Variants in NPRL3 observed in about 807,000 individuals in gnomAD.
NPRL3 encodes GATOR1 complex protein NPRL3.
NPRL3 carries 23 observed loss-of-function variants against 57.2 expected under a neutral mutation model. That is an observed-to-expected ratio of 0.40 (90% CI 0.29 to 0.57). The LOEUF (loss-of-function observed/expected upper bound fraction) is 0.57, where lower values mean the gene tolerates loss of function less well. NPRL3 is among the 20% of genes least tolerant of loss of function. The probability of loss-of-function intolerance (pLI) is 0.42; values close to 1 mark genes in which losing one functional copy is unlikely to be tolerated. For synonymous variants in NPRL3, 333 were observed against 321.1 expected (o/e 1.04, Z -0.39); for missense variants, 691 against 767.1 (o/e 0.90, Z 1.17).
At chr16:95,888 T>C (rs1951255596) in intron 9 of NPRL3, among the ~76,000 whole-genome samples, 1 of 152,168 alleles carries the variant, frequency 6.6e-6, no homozygotes, top group Non-Finnish European at 1.5e-5. Context: ...GACTTTAAAC[T>C]ATCTGGTGAC....
At chr16:135,800 G>A (rs967602265) in intron 2 of NPRL3, among the ~76,000 whole-genome samples, 1 of 151,918 alleles carries the variant, frequency 6.6e-6, no homozygotes, top group African/African-American at 2.4e-5. Context: ...AGCAAACAGG[G>A]TGACTATAGC....
At chr16:108,269 G>C (rs1277253494) in intron 7 of NPRL3, among the ~76,000 whole-genome samples, 1 of 152,164 alleles carries the variant, frequency 6.6e-6, no homozygotes, top group African/African-American at 2.4e-5. Flanking sequence ...AAGACAGGTG[G>C]TTCAAACATG....
chr16:125,498 C>T (rs1275114533), intron 3 of NPRL3, among the ~76,000 whole-genome samples: 2 of 152,210 alleles, frequency 1.3e-5, no homozygotes, highest in Non-Finnish European at 2.9e-5. Flanking sequence ...CTGAGGGAGG[C>T]AGGGCCATCA....
At chr16:96,926 A>C (rs1050306219) in intron 9 of NPRL3, among the ~76,000 whole-genome samples, 19 of 150,998 alleles carry the variant, frequency 1.3e-4, no homozygotes, top group Non-Finnish European at 1.3e-4. Context: ...AAGTGGCCTG[A>C]GAGTCAGGCC....
chr16:123,347 G>C (rs895380888), intron 3 of NPRL3, among the ~76,000 whole-genome samples: 1 of 152,178 alleles, frequency 6.6e-6, no homozygotes, highest in Non-Finnish European at 1.5e-5. Flanking sequence ...GTGGTGGGAA[G>C]TCTGGGCATT....
At chr16:107,218 G>A (rs552970017) in intron 7 of NPRL3, among the ~76,000 whole-genome samples, 11 of 152,302 alleles carry the variant, frequency 7.2e-5, no homozygotes, top group African/African-American at 1.4e-4. Flanking sequence ...ACTAGGTGGC[G>A]CTGGGTTGCC....
intron 12 of NPRL3, 116 bp from the exon 13 acceptor site, chr16:89,006 G>C (rs1228960750): frequency 2.2e-6 from 2 of 905,796 alleles, no homozygotes; most frequent in East Asian, 2.7e-5. Context: ...CAAGGGTTAG[G>C]GTACATCTGC....
intron 7 of NPRL3, among the ~76,000 whole-genome samples, chr16:108,916 C>T (rs1266110598): frequency 7.3e-5 from 11 of 151,246 alleles, no homozygotes; most frequent in South Asian, 6.3e-4. Flanking sequence ...GTGCTCCACC[C>T]GCCTCAGCCT....
At chr16:126,166 C>T (rs1447985731) in intron 3 of NPRL3, 2 of 151,886 alleles carry the variant, frequency 1.3e-5, no homozygotes, top group East Asian at 1.9e-4. Flanking sequence ...CACTTAAGCC[C>T]AGGAGTTCAA....
intron 2 of NPRL3, among the ~76,000 whole-genome samples, chr16:137,143 C>T (rs1006132565): frequency 6.6e-6 from 1 of 152,014 alleles, no homozygotes; most frequent in Non-Finnish European, 1.5e-5. Context: ...TCCCTTGAGC[C>T]CGGGAGGTGG....
chr16:85,925 G>C lies in NPRL3; in HGVS notation c.*780C>G. The C allele has an allele frequency of 1.0e-6, 1 of 978,724 alleles. No homozygotes were observed. The highest frequency in any genetic ancestry group is 3.2e-5 in the South Asian group (1 of 31,290). The allele number at this position is 978,724 out of a possible 1,614,324, so 60.6% of individuals were successfully genotyped here. ...CTTCCTCCAGGACACGAGAGCTGGGGGCCTGAGTACGTAGCGCCAGGCCCG... is the reference window on the plus strand; with the variant it reads ...CTTCCTCCAGGACACGAGAGCTGGGCGCCTGAGTACGTAGCGCCAGGCCCG... On this transcript the variant is annotated 3_prime_UTR_variant, in exon 14 of 14. Coordinates refer to ENST00000611875, the MANE Select transcript of NPRL3 (RefSeq NM_001077350.3).
At chr16:93,956 G>C (rs997483546) in intron 9 of NPRL3, among the ~76,000 whole-genome samples, 2 of 152,160 alleles carry the variant, frequency 1.3e-5, no homozygotes, top group Admixed American at 1.3e-4. Context: ...GGTGGTCTCA[G>C]GCCACAAGCA....
At chr16:111,128 G>A (rs1179027190) in intron 6 of NPRL3, among the ~76,000 whole-genome samples, 2 of 152,028 alleles carry the variant, frequency 1.3e-5, no homozygotes, top group Admixed American at 6.6e-5. Flanking sequence ...AACCGGGCGC[G>A]GTGGCTCACA....
chr16:113,454 A>G (rs1318383239), intron 5 of NPRL3, among the ~76,000 whole-genome samples: 1 of 152,244 alleles, frequency 6.6e-6, no homozygotes, highest in African/African-American at 2.4e-5. Flanking sequence ...TGACTGGGTC[A>G]AAGGACAGTG....
Position 92,689 on chromosome 16 carries a change from G to A in NPRL3, c.1068C>T (p.Phe356=), listed in dbSNP as rs1229321872. Residue 356 remains phenylalanine, a synonymous_variant, in exon 11 of 14, where the codon TTC becomes TTT. Transcript: ENST00000611875. ...GAACGGACGGCAGGTCATGAGATGGGAACTGGTGGGAGAACTGCTCGGCCA... is the reference window on the plus strand; with the variant it reads ...GAACGGACGGCAGGTCATGAGATGGAAACTGGTGGGAGAACTGCTCGGCCA... ...SPLAEQFSHQ[F]PSHDLPSVLA... is the part of the protein sequence containing the mutation. 6.2e-7 allele frequency: 1 copy of A among 1,613,736 alleles called. No homozygotes were observed. The highest frequency in any genetic ancestry group is 1.3e-5 in the African/African-American group (1 of 74,950).
At chr16:133,528 C>T (rs915151053) in intron 2 of NPRL3, among the ~76,000 whole-genome samples, 2 of 109,360 alleles carry the variant, frequency 1.8e-5, no homozygotes, top group South Asian at 3.1e-4. Context: ...CTGTGCCTAG[C>T]GTTGTTTGTT....
chr16:116,794 C>CG (rs1452550170), intron 5 of NPRL3, among the ~76,000 whole-genome samples: 1 of 143,868 alleles, frequency 7.0e-6, no homozygotes, highest in Non-Finnish European at 1.5e-5. Flanking sequence ...GAGACCCCCC[C>CG]CCCCCACCGA....
rs1394501870 is a variant in NPRL3 at position 86,846 on chromosome 16, G to A, written c.1569C>T (p.Arg523=). Reference sequence around the variant, plus strand: ...TGTACATAATCTCCTCCAGGTGGTGGCGGCCGCGGAAGTAGTGAAGGAGCC... The same window carrying A: ...TGTACATAATCTCCTCCAGGTGGTGACGGCCGCGGAAGTAGTGAAGGAGCC... ...FARLLHYFRG[R]HHLEEIMYNE... is the part of the protein sequence containing the mutation. The change falls in exon 14 of 14, where the codon CGC becomes CGT. Residue 523 remains arginine (R), a synonymous_variant. Transcript: ENST00000611875. The A allele has an allele frequency of 6.2e-7, 1 of 1,613,204 alleles. No homozygotes were observed. The highest frequency in any genetic ancestry group is 8.5e-7 in the Non-Finnish European group (1 of 1,179,746).
In NPRL3 at chr16:124,568, T is replaced by A. The variant is rs113993018; in HGVS notation, c.189-5313A>T. Among the ~76,000 whole-genome samples, 218 of 152,254 alleles carry A rather than the reference T, an allele frequency of 1.4e-3. 1 individual carries two copies. The highest frequency in any genetic ancestry group is 2.4e-3 in the Admixed American group (37 of 15,290). On this transcript the variant is annotated intron_variant, in intron 3 of 13. Transcript: ENST00000611875. ...AAGAAATCGCCTACCGAGGATCACA[T>A]AAGACTCCCAGAGGCAAAAGCCTTC...
Sources: gnomAD v4.1 joint callset for allele counts (sites outside exome capture counted in the v4.1 genomes callset) on GRCh38, gnomAD v4.1.1 for gene constraint, MANE v1.5 for transcripts, NCBI Gene and HGNC (gene_info 2026-07-23, HGNC 2026-07-21) for gene names.